RNF213: variants seen among roughly 807,000 people sequenced by gnomAD.
RNF213 encodes E3 ubiquitin-protein ligase RNF213.
Under a neutral mutation model 514.4 loss-of-function variants are expected in RNF213, and 341 were observed. The observed-to-expected ratio is 0.66, with a 90% CI of 0.61 to 0.73. RNF213 has a LOEUF of 0.73. Ranked by LOEUF, RNF213 falls within the 30% of genes least tolerant of loss-of-function variation. RNF213 has a pLI of 0.00. For synonymous variants in RNF213, 2,655 were observed against 2,658.2 expected, an observed-to-expected ratio of 1.00 and a Z score of 0.04; for missense variants, 5,767 against 6,615.6, an observed-to-expected ratio of 0.87 and a Z score of 4.45.
At chr17:80,386,495 A>G (rs1419252259) in intron 62 of RNF213, 65 bp downstream of exon 62, 2 of 1,560,088 alleles carry the variant, frequency 1.3e-6, no homozygotes, top group Non-Finnish European at 1.8e-6. Context: ...CCAGTGGGGC[A>G]GACACAAGCA....
intron 25 of RNF213, 115 bp from the exon 26 acceptor site, chr17:80,339,086 C>T (rs1191451537): frequency 2.6e-6 from 2 of 772,032 alleles, no homozygotes; most frequent in South Asian, 2.1e-5. Flanking sequence ...GCAGATCATG[C>T]AGTGGGCCTG....
chr17:80,307,002 T>C, intron 12 of RNF213, 126 bp from the exon 13 acceptor site: 2 of 912,968 alleles, frequency 2.2e-6, no homozygotes, highest in Non-Finnish European at 1.8e-6. Context: ...CACCTTAAAA[T>C]TTGTTTGTAG....
chr17:80,316,919 G>A (rs2045966096), intron 15 of RNF213, among the ~76,000 whole-genome samples: 1 of 152,210 alleles, frequency 6.6e-6, no homozygotes, highest in Non-Finnish European at 1.5e-5. Context: ...TAACATGAGA[G>A]ATAAGTCCTT....
rs367892183 is a variant in RNF213 at position 80,369,822 on chromosome 17, C to T, written c.12380C>T (p.Thr4127Ile). The change falls in exon 46 of 68, where the codon ACT becomes ATT. Residue 4127 changes from threonine (T) to isoleucine (I), a missense_variant. Thr to Ile is a moderately conservative substitution (Grantham distance 89). Transcript: ENST00000582970. ...LSPFNDVVDKTPVIRSVILKL... is the reference protein window; with the variant it reads ...LSPFNDVVDKIPVIRSVILKL... Reference sequence around the variant, plus strand: ...CCATTCAATGATGTTGTGGATAAGACTCCTGTCATCCGCTCAGTGATACTG... The same window carrying T: ...CCATTCAATGATGTTGTGGATAAGATTCCTGTCATCCGCTCAGTGATACTG... The T allele has an allele frequency of 1.2e-6, 2 of 1,613,594 alleles. No individual in the cohort carries two copies. The highest frequency in any genetic ancestry group is 2.7e-5 in the African/African-American group (2 of 74,908).
In RNF213 at chr17:80,395,605, T is replaced by C. The variant is rs931885825; in HGVS notation, c.*2107T>C. The C allele has an allele frequency of 1.3e-5, 2 of 152,308 alleles. No individual in the cohort carries two copies. The highest frequency in any genetic ancestry group is 4.8e-5 in the African/African-American group (2 of 41,450). The allele number at this position is 152,308 out of a possible 1,614,324, so 9.4% of individuals were successfully genotyped here. On this transcript the variant is annotated 3_prime_UTR_variant, in exon 68 of 68. Coordinates refer to ENST00000582970, the MANE Select transcript of RNF213 (RefSeq NM_001256071.3). ...GCCTCAGAAGGAGTCCCCCATGCCC[T>C]GCCTGAAATGACTTCACTGGACACA...
At chr17:80,262,883 C>G (rs2145063909) in intron 1 of RNF213, among the ~76,000 whole-genome samples, 1 of 152,300 alleles carries the variant, frequency 6.6e-6, no homozygotes, top group African/African-American at 2.4e-5. Flanking sequence ...CAGTCAGCTG[C>G]CGCTCCAGCC....
chr17:80,266,222 G>C (rs762443149), intron 2 of RNF213, among the ~76,000 whole-genome samples: 1 of 150,806 alleles, frequency 6.6e-6, no homozygotes, highest in African/African-American at 2.4e-5. Flanking sequence ...TGAGTAGATC[G>C]CTTGAGCCCA....
At chr17:80,355,152 T>G (rs1310669526) in intron 36 of RNF213, 2 of 455,836 alleles carry the variant, frequency 4.4e-6, no homozygotes, top group Non-Finnish European at 8.8e-6. Context: ...CCTGAAAGCC[T>G]AAGAAACCAG....
intron 15 of RNF213, among the ~76,000 whole-genome samples, chr17:80,315,075 A>G (rs376188478): frequency 5.4e-4 from 1 of 1,856 alleles, no homozygotes; most frequent in Non-Finnish European, 8.9e-4. Context: ...GGTGGTGGTG[A>G]AGGTGATGGT....
At chr17:80,386,015 A>G (rs969311137) in intron 61 of RNF213, among the ~76,000 whole-genome samples, 1 of 152,178 alleles carries the variant, frequency 6.6e-6, no homozygotes, top group Non-Finnish European at 1.5e-5. Context: ...GTGTCTGGAT[A>G]AGTAAAATAA....
chr17:80,370,329 A>G (rs1370850443), intron 46 of RNF213, among the ~76,000 whole-genome samples: 1 of 152,222 alleles, frequency 6.6e-6, no homozygotes, highest in Non-Finnish European at 1.5e-5. Context: ...CACCTGTGGT[A>G]CTTGTATGGA....
intron 26 of RNF213, chr17:80,341,569 A>T (rs2144084969): frequency 6.6e-6 from 1 of 152,236 alleles, no homozygotes; most frequent in African/African-American, 2.4e-5. Context: ...CCATAAGATT[A>T]GAAAACTGTA....
chr17:80,304,673 A>G (rs1311720356), intron 11 of RNF213, among the ~76,000 whole-genome samples: 1 of 152,052 alleles, frequency 6.6e-6, no homozygotes, highest in African/African-American at 2.4e-5. Flanking sequence ...AATAATAATA[A>G]TTAAGAGGCT....
chr17:80,360,205 A>C lies in RNF213; in HGVS notation c.11199A>C (p.Glu3733Asp). Residue 3733 changes from glutamate (E) to aspartate (D), a missense_variant and splice_region_variant, in exon 38 of 68, where the codon GAA becomes GAC. Glu to Asp is a conservative substitution (Grantham distance 45, BLOSUM62 2). Transcript: ENST00000582970. Reference sequence around the variant, plus strand: ...AGGCTCAGTACATCACAGACGCAGAAGGTGAGGCTACCTCAAGACAGGTCA... The same window carrying C: ...AGGCTCAGTACATCACAGACGCAGACGGTGAGGCTACCTCAAGACAGGTCA... Reference protein sequence around the residue: ...WVQAQYITDAEGLPKKFVDIF... With the variant: ...WVQAQYITDADGLPKKFVDIF... 6.2e-7 allele frequency: 1 copy of C among 1,612,062 alleles called. No homozygotes were observed. Among genetic ancestry groups the C allele is most frequent in the African/African-American group, 1.3e-5 (1 of 75,014 alleles).
chr17:80,322,368 G>T (rs1037752846), intron 17 of RNF213, among the ~76,000 whole-genome samples: 1 of 151,762 alleles, frequency 6.6e-6, no homozygotes, highest in Non-Finnish European at 1.5e-5. Flanking sequence ...GGTGGCTCAT[G>T]CCTGTAGACC....
intron 2 of RNF213, among the ~76,000 whole-genome samples, chr17:80,266,491 T>C (rs2043615699): frequency 6.6e-6 from 1 of 151,920 alleles, no homozygotes; most frequent in African/African-American, 2.4e-5. Context: ...CCTCTCACTT[T>C]ATTTTTTAAA....
At position 80,288,811 on chromosome 17, in the gene RNF213, G is replaced by T; in HGVS notation, c.933+56G>T. 4.3e-6 allele frequency: 7 copies of T among 1,612,736 alleles called. No individual in the cohort carries two copies. Among genetic ancestry groups the T allele is most frequent in the East Asian group, 2.2e-5 (1 of 44,886 alleles). ...GAGGCCCTCTCCTGCCCACGGCTGCGCCTCTTTCATTTAATTATTCAGCAA... is the reference window on the plus strand; with the variant it reads ...GAGGCCCTCTCCTGCCCACGGCTGCTCCTCTTTCATTTAATTATTCAGCAA... On this transcript the variant is annotated intron_variant, in intron 5 of 67. Transcript: ENST00000582970. This position sits in a 1 kb window ranked among gnomAD's most constrained non-coding sequence, Gnocchi z 4.9.
Position 80,372,129 on chromosome 17 carries a change from C to T in RNF213, c.12537+144C>T, listed in dbSNP as rs114898084. 2.2e-3 allele frequency: 1,488 copies of T among 679,864 alleles called. 16 individuals are homozygous for T. The African/African-American group carries it at 0.024, about 11-fold the overall frequency. The allele number at this position is 679,864 out of a possible 1,614,324, so 42.1% of individuals were successfully genotyped here. On this transcript the variant is annotated intron_variant, in intron 47 of 67. Coordinates refer to ENST00000582970, the MANE Select transcript of RNF213 (RefSeq NM_001256071.3). The stretch of plus-strand genomic sequence containing the variant: ...AAGAAGAAAGGTTTCAAAGACGCGG[C>T]TTCTGCCTTCAGCAACGTATATTTT...
rs1316025314 is a variant in RNF213 at position 80,369,643 on chromosome 17, A to G, written c.12297A>G (p.Gln4099=). The change falls in exon 45 of 68, where the codon CAA becomes CAG. Residue 4099 remains glutamine (Q), a synonymous_variant. Coordinates refer to ENST00000582970, the MANE Select transcript of RNF213 (RefSeq NM_001256071.3). ...IESLLSLLFV[Q]KGRLRDAAQR... Reference sequence around the variant, plus strand: ...GCCTGCTCTCTCTCCTCTTCGTCCAAAAGGGGCGCTTAAGAGATGCTGCCC... The same window carrying G: ...GCCTGCTCTCTCTCCTCTTCGTCCAGAAGGGGCGCTTAAGAGATGCTGCCC... 6.2e-7 allele frequency: 1 copy of G among 1,614,096 alleles called. No homozygotes were observed. The highest frequency in any genetic ancestry group is 8.5e-7 in the Non-Finnish European group (1 of 1,180,038).
Sources: allele counts gnomAD v4.1 joint callset (sites outside exome capture counted in the v4.1 genomes callset), GRCh38; gene constraint gnomAD v4.1.1; non-coding constraint Gnocchi (gnomAD v3.1); transcripts MANE v1.5; gene names NCBI Gene and HGNC (gene_info 2026-07-23, HGNC 2026-07-21).